Variants in PIK3CG observed in about 807,000 individuals in gnomAD.
PIK3CG encodes the protein phosphatidylinositol-4,5-bisphosphate 3-kinase catalytic subunit gamma.
A neutral mutation model predicts 102.3 loss-of-function variants in PIK3CG; 55 were observed. The observed-to-expected ratio is 0.54, with a 90% CI of 0.43 to 0.67. PIK3CG has a LOEUF of 0.67. Among genes scored for constraint, PIK3CG ranks in the 30% least tolerant of loss-of-function variants. The probability of loss-of-function intolerance (pLI) is 0.00; values close to 1 mark genes in which losing one functional copy is unlikely to be tolerated. For missense variants in PIK3CG, 1,258 were observed against 1,391.8 expected (o/e 0.90, Z 1.53); for synonymous variants, 552 against 540.0 (o/e 1.02, Z -0.31).
In PIK3CG at chr7:106,893,466, A is replaced by G. The variant is rs2116587275; in HGVS notation, c.3030+7174A>G. 6.6e-6 allele frequency among the ~76,000 whole-genome samples: 1 copy of G among 152,286 alleles called. No homozygotes were observed. ...CGAATCCAAAACTGGAAAGATAATAACCTTTTAATTGACATCATTCTCTCA... is the reference window on the plus strand; with the variant it reads ...CGAATCCAAAACTGGAAAGATAATAGCCTTTTAATTGACATCATTCTCTCA... On this transcript the variant is annotated intron_variant, in intron 10 of 10. Coordinates refer to ENST00000496166, the MANE Select transcript of PIK3CG (RefSeq NM_001282426.2). This position sits in a 1 kb window ranked among gnomAD's most constrained non-coding sequence, Gnocchi z 4.4.
At chr7:106,866,603 G>T (rs1016232135) in intron 1 of PIK3CG, among the ~76,000 whole-genome samples, 2 of 152,152 alleles carry the variant, frequency 1.3e-5, no homozygotes, top group East Asian at 3.8e-4. Context: ...ATTAAGTAGA[G>T]ACAGATCAAA....
Position 106,872,986 on chromosome 7 carries a change from C to T in PIK3CG, c.2287+48C>T, listed in dbSNP as rs536809725. ...GTTCTCTTTCCAAATGCCTTCATCT[C>T]CAAATGCCATTGTTCCTATAATTCT... On this transcript the variant is annotated intron_variant, in intron 4 of 10. Coordinates refer to ENST00000496166, the MANE Select transcript of PIK3CG (RefSeq NM_001282426.2). The surrounding 1 kb of genome is among the most constrained non-coding windows in gnomAD (Gnocchi z 5.3). 783 of 1,270,778 alleles carry T rather than the reference C, an allele frequency of 6.2e-4. 6 individuals are homozygous for T. The highest frequency in any genetic ancestry group is 1.9e-4 in the Middle Eastern group (1 of 5,384). 78.7% of individuals were successfully genotyped at this position (1,270,778 alleles called of 1,614,324 possible).
rs778430220 is a variant in PIK3CG, at chr7:106,868,119, G to A, written c.558G>A (p.Ala186=). The part of the protein sequence containing the change: ...TRRGLVTPRM[A]EVASRDPKLY... The stretch of plus-strand genomic sequence containing the variant: ...GTGGCTTGGTGACCCCGCGCATGGC[G>A]GAGGTGGCCAGCCGCGACCCCAAGC... The change falls in exon 2 of 11, where the codon GCG becomes GCA. Residue 186 remains alanine, a synonymous_variant. Coordinates refer to ENST00000496166, the MANE Select transcript of PIK3CG (RefSeq NM_001282426.2). This position sits in a 1 kb window ranked among gnomAD's most constrained non-coding sequence, Gnocchi z 6.2. 5.6e-6 allele frequency: 9 copies of A among 1,612,228 alleles called. No homozygotes were observed. Among genetic ancestry groups the A allele is most frequent in the East Asian group, 2.2e-5 (1 of 44,738 alleles).
Position 106,879,717 on chromosome 7 carries a change from C to T in PIK3CG, c.2538+52C>T, listed in dbSNP as rs1790877735. Reference sequence around the variant, plus strand: ...ATTATCTGAAAACAATTCTATATTACATCAAAAACATGCTTTCTCCTACTG... The same window carrying T: ...ATTATCTGAAAACAATTCTATATTATATCAAAAACATGCTTTCTCCTACTG... On this transcript the variant is annotated intron_variant, in intron 6 of 10. Transcript: ENST00000496166. This position sits in a 1 kb window ranked among gnomAD's most constrained non-coding sequence, Gnocchi z 4.9. 3.7e-6 allele frequency: 5 copies of T among 1,347,356 alleles called. No homozygotes were observed. Among genetic ancestry groups the T allele is most frequent in the Non-Finnish European group, 4.2e-6 (4 of 948,704 alleles). The allele number at this position is 1,347,356 out of a possible 1,614,324, so 83.5% of individuals were successfully genotyped here. A position where few individuals can be genotyped will look rare whatever the true frequency, so the allele number is the denominator to read the frequency against.
intron 7 of PIK3CG, 23 bp downstream of exon 7, chr7:106,882,230 G>T (rs369151950): frequency 8.6e-7 from 1 of 1,158,044 alleles, no homozygotes; most frequent in South Asian, 1.5e-5. Flanking sequence ...CTCAGGAGAT[G>T]AATAGACCTC....
Position 106,902,383 on chromosome 7 carries a change from C to G in PIK3CG, c.3031-2726C>G, listed in dbSNP as rs1562803165. 6.6e-6 allele frequency among the ~76,000 whole-genome samples: 1 copy of G among 152,086 alleles called. No homozygotes were observed. The highest frequency in any genetic ancestry group is 2.1e-4 in the South Asian group (1 of 4,820). ...ACAGTTCTGTGAATTTTGACAAATG[C>G]ATCAGTCATGTAACCACCATCACAA... is the stretch of plus-strand genomic sequence containing the variant. On this transcript the variant is annotated intron_variant, in intron 10 of 10. Coordinates refer to ENST00000496166, the MANE Select transcript of PIK3CG (RefSeq NM_001282426.2). This position sits in a 1 kb window ranked among gnomAD's most constrained non-coding sequence, Gnocchi z 4.3.
intron 2 of PIK3CG, among the ~76,000 whole-genome samples, chr7:106,870,066 TC>T (rs1327646015): frequency 4.6e-5 from 7 of 152,338 alleles, no homozygotes; most frequent in African/African-American, 9.6e-5. Flanking sequence ...TCCCTCCAGA[TC>T]CTGCTCTTTT....
intron 4 of PIK3CG, among the ~76,000 whole-genome samples, chr7:106,873,679 G>A (rs942832541): frequency 7.2e-5 from 11 of 151,938 alleles, no homozygotes; most frequent in Admixed American, 7.2e-4. Context: ...GGAGGTCCTG[G>A]AACCAATCCT....
Position 106,873,309 on chromosome 7 carries a change from T to C in PIK3CG, c.2287+371T>C, listed in dbSNP as rs849392. Among the ~76,000 whole-genome samples, 769 of 152,300 alleles carry C rather than the reference T, an allele frequency of 5.0e-3. 7 individuals carry two copies. Among genetic ancestry groups the C allele is most frequent in the African/African-American group, 0.018 (736 of 41,554 alleles). On this transcript the variant is annotated intron_variant, in intron 4 of 10. Transcript: ENST00000496166. Reference sequence around the variant, plus strand: ...GTTTACAGTCTTATAAAATGATGAATTTTTGAGAGGCTATTTTAATTTTTT... The same window carrying C: ...GTTTACAGTCTTATAAAATGATGAACTTTTGAGAGGCTATTTTAATTTTTT...
intron 10 of PIK3CG, among the ~76,000 whole-genome samples, chr7:106,889,075 A>G (rs1437726268): frequency 6.6e-6 from 1 of 152,148 alleles, no homozygotes; most frequent in Admixed American, 6.5e-5. Context: ...TTGAGAAACC[A>G]TTTTTGAAAT....
At chr7:106,888,370 T>C (rs849403) in intron 10 of PIK3CG, among the ~76,000 whole-genome samples, 145,244 of 152,264 alleles carry the variant, frequency 0.95, 69,289 homozygotes, top group East Asian at 1. Flanking sequence ...CCGTCAGATC[T>C]CAGCAGTACT....
Position 106,886,177 on chromosome 7 carries a change from A to G in PIK3CG, c.2915A>G (p.Tyr972Cys), listed in dbSNP as rs1197349651. The G allele has an allele frequency of 3.1e-6, 5 of 1,614,132 alleles. No homozygotes were observed. Among genetic ancestry groups the G allele is most frequent in the Middle Eastern group, 1.6e-4 (1 of 6,062 alleles). ...GACTTCGGGCACATTCTTGGGAATT[A>G]CAAAAGTTTCCTGGGCATTAATAAA... The part of the protein sequence containing the change: ...HIDFGHILGN[Y>C]KSFLGINKER... The change falls in exon 10 of 11, where the codon TAC becomes TGC. Residue 972 changes from tyrosine to cysteine, a missense_variant. Tyr to Cys is a radical substitution (Grantham distance 194, BLOSUM62 -2). This residue lies in a region of PIK3CG where 426 missense variants were observed against 604.2 expected (regional missense o/e 0.71). Transcript: ENST00000496166.
At position 106,868,232 on chromosome 7, in the gene PIK3CG, T is replaced by C. The variant is rs1254950243; in HGVS notation, c.671T>C (p.Ile224Thr). 1 of 1,612,834 alleles carries C rather than the reference T, an allele frequency of 6.2e-7. No individual in the cohort carries two copies. Reference protein sequence around the residue: ...KIANNCIFIVIHRSTTSQTIK... With the variant: ...KIANNCIFIVTHRSTTSQTIK... ...GCCAACAACTGCATCTTCATCGTCA[T>C]TCACCGCAGCACCACCAGCCAGACC... The change falls in exon 2 of 11, where the codon ATT (isoleucine) becomes ACT (threonine). Residue 224 changes from isoleucine to threonine, a missense_variant. By Grantham distance (89) the Ile-to-Thr change is moderately conservative. Coordinates refer to ENST00000496166, the MANE Select transcript of PIK3CG (RefSeq NM_001282426.2). This position sits in a 1 kb window ranked among gnomAD's most constrained non-coding sequence, Gnocchi z 6.2.
rs959746575 is a variant in PIK3CG, at chr7:106,868,070, A to G, written c.509A>G (p.Asp170Gly). Residue 170 changes from aspartate to glycine, a missense_variant, in exon 2 of 11, where the codon GAC becomes GGC. Asp to Gly is a moderately conservative substitution (Grantham distance 94). This residue lies in a region of PIK3CG where 832 missense variants were observed against 787.5 expected (regional missense o/e 1.06). Transcript: ENST00000496166. This position sits in a 1 kb window ranked among gnomAD's most constrained non-coding sequence, Gnocchi z 6.2. ...GTCACTGACGTCAGCAACGTGCACG[A>G]CGATGAGCTGGAGTTCACGCGCCGT... ...YDVTDVSNVH[D>G]DELEFTRRGL... The G allele has an allele frequency of 5.0e-6, 8 of 1,612,836 alleles. No homozygotes were observed. The highest frequency in any genetic ancestry group is 3.3e-5 in the Admixed American group (2 of 59,978).
intron 5 of PIK3CG, among the ~76,000 whole-genome samples, chr7:106,876,904 G>T (rs559855854): frequency 1.3e-5 from 2 of 152,132 alleles, no homozygotes; most frequent in African/African-American, 4.8e-5. Flanking sequence ...TCTTATCTAA[G>T]AAATCTGTCT....
At chr7:106,876,161 G>T (rs1173335305) in intron 5 of PIK3CG, among the ~76,000 whole-genome samples, 1 of 151,416 alleles carries the variant, frequency 6.6e-6, no homozygotes, top group Admixed American at 6.6e-5. Context: ...TGATCCACCC[G>T]CCTCGGCCTC....
rs1790472764 is a variant in PIK3CG, at chr7:106,869,872, A to T, written c.1995+316A>T. 6.6e-6 allele frequency among the ~76,000 whole-genome samples: 1 copy of T among 152,212 alleles called. No individual in the cohort carries two copies. The highest frequency in any genetic ancestry group is 2.4e-5 in the African/African-American group (1 of 41,458). ...ACTTACTGAATGCTTTCTTGTGCCA[A>T]GGCTCCAAGTGACTGACATGCTTTC... On this transcript the variant is annotated intron_variant, in intron 2 of 10. Transcript: ENST00000496166. The surrounding 1 kb of genome is among the most constrained non-coding windows in gnomAD (Gnocchi z 5.3).
At position 106,894,364 on chromosome 7, in the gene PIK3CG, GAGA is replaced by G. The variant is rs1791349697; in HGVS notation, c.3030+8076_3030+8078del. On this transcript the variant is annotated intron_variant, in intron 10 of 10. Transcript: ENST00000496166. This position sits in a 1 kb window ranked among gnomAD's most constrained non-coding sequence, Gnocchi z 4.4. Reference sequence around the variant, plus strand: ...CTAATGTGCTTCTAGCTAAATATTCGAGAAGATGACAGTACAGCCCTTCTCCTG... The same window carrying G: ...CTAATGTGCTTCTAGCTAAATATTCGAGATGACAGTACAGCCCTTCTCCTG... Among the ~76,000 whole-genome samples the G allele has an allele frequency of 6.6e-6, 1 of 152,030 alleles. No homozygotes were observed. Among genetic ancestry groups the G allele is most frequent in the African/African-American group, 2.4e-5 (1 of 41,396 alleles).
At chr7:106,882,932 A>G in intron 7 of PIK3CG, 101 bp from the exon 8 acceptor site, 1 of 982,466 alleles carries the variant, frequency 1.0e-6, no homozygotes, top group East Asian at 2.6e-5. Context: ...AAAAAAAAAA[A>G]AAAAACCCTC....
Sources: allele counts gnomAD v4.1 joint callset (sites outside exome capture counted in the v4.1 genomes callset), GRCh38; gene constraint gnomAD v4.1.1; regional missense constraint gnomAD v4.1.1; non-coding constraint Gnocchi (gnomAD v3.1); transcripts MANE v1.5; gene names NCBI Gene and HGNC (gene_info 2026-07-23, HGNC 2026-07-21).